Variants in SIX5 observed in about 807,000 individuals in gnomAD.
The protein encoded by SIX5 is homeobox protein SIX5.
In SIX5, 21 loss-of-function variants were observed where a neutral mutation model predicts 37.1. The ratio of observed to expected loss-of-function variants is 0.57; its 90% CI spans 0.40 to 0.81. The LOEUF (loss-of-function observed/expected upper bound fraction) is 0.81, where lower values mean the gene tolerates loss of function less well. Ranked by LOEUF, SIX5 falls within the 40% of genes least tolerant of loss-of-function variation. The probability of loss-of-function intolerance (pLI) is 0.00; values close to 1 mark genes in which losing one functional copy is unlikely to be tolerated. For missense variants in SIX5, 1,137 were observed against 1,025.1 expected, an observed-to-expected ratio of 1.11 and a Z score of -1.49; for synonymous variants, 626 against 505.9, an observed-to-expected ratio of 1.24 and a Z score of -3.19.
Position 45,766,595 on chromosome 19 carries a change from G to C in SIX5, c.1364C>G (p.Pro455Arg). 1 of 1,469,576 alleles carries C rather than the reference G, an allele frequency of 6.8e-7. No homozygotes were observed. Among genetic ancestry groups the C allele is most frequent in the Non-Finnish European group, 9.0e-7 (1 of 1,106,424 alleles). The allele number at this position is 1,469,576 out of a possible 1,614,324, so 91.0% of individuals were successfully genotyped here. Residue 455 changes from proline (P) to arginine (R), a missense_variant, in exon 2 of 3, where the codon CCG (proline) becomes CGG (arginine). Coordinates refer to ENST00000317578, the MANE Select transcript of SIX5 (RefSeq NM_175875.5). ...VPAVAAPQVV[P>R]LSPPPGYPTG... Reference sequence around the variant, plus strand: ...GGGATACCCCGGGGGTGGGGAGAGCGGTACCACTTGTGGGGCAGCCACAGC... The same window carrying C: ...GGGATACCCCGGGGGTGGGGAGAGCCGTACCACTTGTGGGGCAGCCACAGC...
rs773558119 is a variant in SIX5, at chr19:45,766,720, C to T, written c.1239G>A (p.Pro413=). ...GGACCTCCTCTCCAAGGGCTGGTCC[C>T]GGAGCAGCCACCTGGGCCCCTTTGG... ...PETKGAQVAA[P]GPALGEEVLG... is the part of the protein sequence containing the mutation. Residue 413 remains proline (P), a synonymous_variant, in exon 2 of 3, where the codon CCG becomes CCA. Transcript: ENST00000317578. 11 of 1,564,312 alleles carry T rather than the reference C, an allele frequency of 7.0e-6. No individual in the cohort carries two copies. The highest frequency in any genetic ancestry group is 1.7e-4 in the Middle Eastern group (1 of 5,870).
intron 1 of SIX5, 62 bp downstream of exon 1, chr19:45,767,980 A>C: frequency 6.6e-7 from 1 of 1,522,458 alleles, no homozygotes; most frequent in Non-Finnish European, 8.9e-7. Context: ...GCACGGGGGA[A>C]GAGGGCTGGT....
At position 45,768,143 on chromosome 19, in the gene SIX5, C is replaced by T; in HGVS notation, c.702G>A (p.Leu234=). ...TGAGCGACAGGCCGGTGAGTGTGGC[C>T]AGGCGGCGCTTCTCGTCCGGCGTGG... ...RYPTPDEKRR[L]ATLTGLSLTQ... Residue 234 remains leucine, a synonymous_variant, in exon 1 of 3, where the codon CTG becomes CTA. Transcript: ENST00000317578. 1.9e-6 allele frequency: 3 copies of T among 1,611,112 alleles called. No individual in the cohort carries two copies. The highest frequency in any genetic ancestry group is 2.2e-5 in the East Asian group (1 of 44,858).
chr19:45,766,073 T>C lies in SIX5; in HGVS notation c.1648A>G (p.Ile550Val). ...TGCTGCAGGGCCACACCCGTCACGATGGGGCTGCCAGACACAGGGTTGGCC... is the reference window on the plus strand; with the variant it reads ...TGCTGCAGGGCCACACCCGTCACGACGGGGCTGCCAGACACAGGGTTGGCC... Reference protein sequence around the residue: ...LLANPVSGSPIVTGVALQQGK... With the variant: ...LLANPVSGSPVVTGVALQQGK... Residue 550 changes from isoleucine to valine, a missense_variant, in exon 3 of 3, where the codon ATC (isoleucine) becomes GTC (valine). Physicochemically the swap from Ile to Val is conservative, Grantham distance 29 (BLOSUM62 3). This residue lies in a region of SIX5 where 787 missense variants were observed against 621.4 expected (regional missense o/e 1.27). Transcript: ENST00000317578. 2.5e-6 allele frequency: 4 copies of C among 1,612,026 alleles called. No homozygotes were observed. Among genetic ancestry groups the C allele is most frequent in the Non-Finnish European group, 2.5e-6 (3 of 1,179,292 alleles).
At chr19:45,767,424 A>G (rs368623997) in intron 1 of SIX5, among the ~76,000 whole-genome samples, 3 of 152,304 alleles carry the variant, frequency 2.0e-5, no homozygotes, top group African/African-American at 4.8e-5. Flanking sequence ...AGGTTGCCCT[A>G]AAAGTTCCTT....
chr19:45,766,354 G>C lies in SIX5; in HGVS notation c.1605C>G (p.Ala535=). The stretch of plus-strand genomic sequence containing the variant: ...GAGGGAGGGAGATGGGGGTACCTGG[G>C]GCAGTGGCCGAAGGCAGCTGCAGGG... ...VTALQLPSAT[A]PGNFLLANPV... Residue 535 remains alanine (A), a synonymous_variant, in exon 2 of 3, where the codon GCC becomes GCG. Coordinates refer to ENST00000317578, the MANE Select transcript of SIX5 (RefSeq NM_175875.5). 6.3e-7 allele frequency: 1 copy of C among 1,583,684 alleles called. No individual in the cohort carries two copies. The highest frequency in any genetic ancestry group is 8.6e-7 in the Non-Finnish European group (1 of 1,166,294).
At position 45,766,557 on chromosome 19, in the gene SIX5, G is replaced by A. The variant is rs1223504462; in HGVS notation, c.1402C>T (p.Pro468Ser). The change falls in exon 2 of 3, where the codon CCC becomes TCC. Residue 468 changes from proline to serine, a missense_variant. This residue lies in a region of SIX5 where 787 missense variants were observed against 621.4 expected (regional missense o/e 1.27). Coordinates refer to ENST00000317578, the MANE Select transcript of SIX5 (RefSeq NM_175875.5). ...GGCAGGTTCAATAGTGGGGAGGTGG[G>A]GCTCAGGCCCGTGGGATACCCCGGG... Reference protein sequence around the residue: ...PPPGYPTGLSPTSPLLNLPQV... With the variant: ...PPPGYPTGLSSTSPLLNLPQV... 2.0e-6 allele frequency: 3 copies of A among 1,477,778 alleles called. No homozygotes were observed. 91.5% of individuals were successfully genotyped at this position (1,477,778 alleles called of 1,614,324 possible). A position where few individuals can be genotyped will look rare whatever the true frequency, so the allele number is the denominator to read the frequency against.
rs1022604536 is a variant in SIX5 at position 45,769,160 on chromosome 19, C to G, written c.-316G>C. 2.5e-6 allele frequency: 1 copy of G among 393,690 alleles called. No individual in the cohort carries two copies. The highest frequency in any genetic ancestry group is 3.6e-5 in the South Asian group (1 of 27,736). The allele number at this position is 393,690 out of a possible 1,614,324, so 24.4% of individuals were successfully genotyped here. On this transcript the variant is annotated 5_prime_UTR_variant, in exon 1 of 3. Coordinates refer to ENST00000317578, the MANE Select transcript of SIX5 (RefSeq NM_175875.5). The stretch of plus-strand genomic sequence containing the variant: ...CCTCAGTTTCCCCATCGGGACAACG[C>G]AGAAGGTAACGGGCCGTCCAGGAGG...
Position 45,766,433 on chromosome 19 carries a change from G to A in SIX5, c.1526C>T (p.Ala509Val), listed in dbSNP as rs1438686564. 6 of 1,563,954 alleles carry A rather than the reference G, an allele frequency of 3.8e-6. No individual in the cohort carries two copies. Among genetic ancestry groups the A allele is most frequent in the Non-Finnish European group, 5.2e-6 (6 of 1,155,150 alleles). The change falls in exon 2 of 3, where the codon GCT (alanine) becomes GTT (valine). Residue 509 changes from alanine to valine, a missense_variant. This residue lies in a region of SIX5 where 787 missense variants were observed against 621.4 expected (regional missense o/e 1.27). Transcript: ENST00000317578. ...AGPGSPVKVA[A>V]AAGPANVHLI... ...GTGCACATTGGCAGGGCCTGCTGCA[G>A]CTGCCACCTTCACAGGGCTGCCTGG...
rs541149092 is a variant in SIX5, at chr19:45,767,555, G to A, written c.804-400C>T. 3.0e-4 allele frequency among the ~76,000 whole-genome samples: 45 copies of A among 152,224 alleles called. No individual in the cohort carries two copies. In the South Asian group the frequency reaches 8.3e-3, roughly 28 times the overall value. On this transcript the variant is annotated intron_variant, in intron 1 of 2. Coordinates refer to ENST00000317578, the MANE Select transcript of SIX5 (RefSeq NM_175875.5). ...GAGGCCGGCGCTCAGGGTGGGAGGA[G>A]AAGGGTTTGGGTTACAGGGAAACCG...
chr19:45,766,552 G>A lies in SIX5; in HGVS notation c.1407C>T (p.Thr469=), dbSNP rs982912854. 12 of 1,481,850 alleles carry A rather than the reference G, an allele frequency of 8.1e-6. No individual in the cohort carries two copies. In the African/African-American group the frequency reaches 8.4e-5, roughly 10 times the overall value. The allele number at this position is 1,481,850 out of a possible 1,614,324, so 91.8% of individuals were successfully genotyped here. ...CCTGGGGCAGGTTCAATAGTGGGGA[G>A]GTGGGGCTCAGGCCCGTGGGATACC... ...PPGYPTGLSP[T]SPLLNLPQVV... The change falls in exon 2 of 3, where the codon ACC becomes ACT. Residue 469 remains threonine (T), a synonymous_variant. Transcript: ENST00000317578.
rs1046227355 is a variant in SIX5 at position 45,768,590 on chromosome 19, G to C, written c.255C>G (p.Arg85=). ...CGCACGCCACCTGCTCGGGCGAGAA[G>C]CGGAGGCCCGTGGGCGGTTCGGAAG... The part of the protein sequence containing the change: ...EAASEPPTGL[R]FSPEQVACVC... Residue 85 remains arginine (R), a synonymous_variant, in exon 1 of 3, where the codon CGC becomes CGG. Coordinates refer to ENST00000317578, the MANE Select transcript of SIX5 (RefSeq NM_175875.5). 5 of 1,354,520 alleles carry C rather than the reference G, an allele frequency of 3.7e-6. No individual in the cohort carries two copies. Among genetic ancestry groups the C allele is most frequent in the Admixed American group, 7.9e-5 (2 of 25,396 alleles). 83.9% of individuals were successfully genotyped at this position (1,354,520 alleles called of 1,614,324 possible).
At chr19:45,767,891 C>T (rs1242636625) in intron 1 of SIX5, 151 bp downstream of exon 1, 4 of 810,990 alleles carry the variant, frequency 4.9e-6, no homozygotes, top group Non-Finnish European at 7.5e-6. Flanking sequence ...ACTTAGTCCC[C>T]GCGCCCCGCG....
Position 45,765,795 on chromosome 19 carries a change from G to T in SIX5, c.1926C>A (p.Gly642=). 6.2e-7 allele frequency: 1 copy of T among 1,605,644 alleles called. No individual in the cohort carries two copies. Among genetic ancestry groups the T allele is most frequent in the Non-Finnish European group, 8.5e-7 (1 of 1,179,854 alleles). The part of the protein sequence containing the change: ...TSLPFSPDSP[G]LLPNFPAPPP... ...GGGGCGCCGGGAAGTTGGGCAGGAG[G>T]CCAGGGGAGTCAGGGGAGAAGGGCA... Residue 642 remains glycine, a synonymous_variant, in exon 3 of 3, where the codon GGC becomes GGA. Transcript: ENST00000317578.
In SIX5 at chr19:45,766,769, T is replaced by G; in HGVS notation, c.1190A>C (p.Glu397Ala). Residue 397 changes from glutamate (E) to alanine (A), a missense_variant, in exon 2 of 3, where the codon GAG (glutamate) becomes GCG (alanine). By Grantham distance (107) the Glu-to-Ala change is moderately radical. This residue lies in a region of SIX5 where 787 missense variants were observed against 621.4 expected (regional missense o/e 1.27). Coordinates refer to ENST00000317578, the MANE Select transcript of SIX5 (RefSeq NM_175875.5). ...DPQTGEVRLE[E>A]AQSEAPETKG... ...GGTCTCAGGGGCCTCCGACTGAGCC[T>G]CCTCCAGCCGCACCTCCCCTGTCTG... The G allele has an allele frequency of 3.8e-6, 6 of 1,580,552 alleles. No individual in the cohort carries two copies. The highest frequency in any genetic ancestry group is 5.1e-6 in the Non-Finnish European group (6 of 1,166,406).
chr19:45,768,636 G>A lies in SIX5; in HGVS notation c.209C>T (p.Pro70Leu). Residue 70 changes from proline to leucine, a missense_variant, in exon 1 of 3, where the codon CCC becomes CTC. Coordinates refer to ENST00000317578, the MANE Select transcript of SIX5 (RefSeq NM_175875.5). Reference sequence around the variant, plus strand: ...GGAAGCGGCCTCGGGGGGCGACCCGGGGACGCCCGGGGATCCCGGGCCCTC... The same window carrying A: ...GGAAGCGGCCTCGGGGGGCGACCCGAGGACGCCCGGGGATCCCGGGCCCTC... ...GAEGPGSPGV[P>L]GSPPEAASEP... is the part of the protein sequence containing the mutation. The A allele has an allele frequency of 2.4e-6, 3 of 1,268,306 alleles. No homozygotes were observed. The highest frequency in any genetic ancestry group is 3.0e-6 in the Non-Finnish European group (3 of 1,015,296). The allele number at this position is 1,268,306 out of a possible 1,614,324, so 78.6% of individuals were successfully genotyped here.
rs749736751 is a variant in SIX5, at chr19:45,766,813, G to A, written c.1146C>T (p.Thr382=). The change falls in exon 2 of 3, where the codon ACC becomes ACT. Residue 382 remains threonine (T), a synonymous_variant. Coordinates refer to ENST00000317578, the MANE Select transcript of SIX5 (RefSeq NM_175875.5). ...PSPQGASETK[T]SLVLDPQTGE... ...CTGTCTGAGGGTCCAGGACCAGAGAGGTCTTGGTCTCGCTGGCCCCCTGAG... is the reference window on the plus strand; with the variant it reads ...CTGTCTGAGGGTCCAGGACCAGAGAAGTCTTGGTCTCGCTGGCCCCCTGAG... The A allele has an allele frequency of 9.6e-6, 15 of 1,560,852 alleles. No homozygotes were observed. The highest frequency in any genetic ancestry group is 3.5e-5 in the South Asian group (3 of 85,512).
At chr19:45,767,986 C>G (rs539350303) in intron 1 of SIX5, 56 bp downstream of exon 1, 1 of 1,548,322 alleles carries the variant, frequency 6.5e-7, no homozygotes, top group Non-Finnish European at 8.7e-7. Context: ...GGGAAGAGGG[C>G]TGGTGGACGG....
chr19:45,766,689 GC>G lies in SIX5; in HGVS notation c.1269del (p.Leu425TrpfsTer42). The G allele has an allele frequency of 6.6e-7, 1 of 1,517,172 alleles. No homozygotes were observed. The allele number at this position is 1,517,172 out of a possible 1,614,324, so 94.0% of individuals were successfully genotyped here. On this transcript the variant is annotated frameshift_variant, in exon 2 of 3. Transcript: ENST00000317578. LOFTEE classifies it high-confidence loss of function. ...GGGCCAGGCACCACTTGGGCCAGGG[GC>G]CCCAGGACCTCCTCTCCAAGGGCTG... ...PGPALGEEVL[G>X]PLAQVVPGPP...
Sources: allele counts gnomAD v4.1 joint callset (sites outside exome capture counted in the v4.1 genomes callset), GRCh38; gene constraint gnomAD v4.1.1; regional missense constraint gnomAD v4.1.1; transcripts MANE v1.5; gene names NCBI Gene and HGNC (gene_info 2026-07-23, HGNC 2026-07-21).